The following XRCC4 variants were observed in gnomAD, a reference collection of about 807,000 sequenced individuals.
The protein encoded by XRCC4 is DNA repair protein XRCC4.
A neutral mutation model predicts 39.1 loss-of-function variants in XRCC4; 28 were observed. That is an observed-to-expected ratio of 0.72 (90% CI 0.53 to 0.98). XRCC4 has a LOEUF of 0.98. XRCC4 is among the 50% of genes least tolerant of loss of function. The probability of loss-of-function intolerance (pLI) is 0.00; values close to 1 mark genes in which losing one functional copy is unlikely to be tolerated. For synonymous variants in XRCC4, 123 were observed against 126.4 expected (o/e 0.97, Z 0.18); for missense variants, 350 against 376.4 (o/e 0.93, Z 0.58).
chr5:83,194,546 A>G (rs929269160), intron 3 of XRCC4, among the ~76,000 whole-genome samples: 7 of 152,190 alleles, frequency 4.6e-5, no homozygotes, highest in African/African-American at 7.2e-5. Context: ...CTTAATCTGT[A>G]TGTAATATAT....
intron 3 of XRCC4, among the ~76,000 whole-genome samples, chr5:83,115,135 T>A (rs1339768127): frequency 6.6e-6 from 1 of 152,168 alleles, no homozygotes; most frequent in Non-Finnish European, 1.5e-5. Flanking sequence ...GTGGGAATTA[T>A]GGGATCTACA....
At chr5:83,240,175 A>G (rs1344438652) in intron 6 of XRCC4, among the ~76,000 whole-genome samples, 1 of 152,176 alleles carries the variant, frequency 6.6e-6, no homozygotes, top group East Asian at 1.9e-4. Flanking sequence ...CCCCGACTCA[A>G]TAAATAAATG....
chr5:83,111,647 C>G (rs1487885597), intron 3 of XRCC4, among the ~76,000 whole-genome samples: 3 of 151,878 alleles, frequency 2.0e-5, no homozygotes, highest in Admixed American at 2.0e-4. Flanking sequence ...TTGAAAAATG[C>G]ATAGTAAGTA....
intron 6 of XRCC4, among the ~76,000 whole-genome samples, chr5:83,221,044 T>C (rs1034115585): frequency 1.3e-5 from 2 of 152,126 alleles, no homozygotes; most frequent in Admixed American, 6.6e-5. Context: ...TTTATTCTTA[T>C]CACTTGCATA....
chr5:83,280,397 A>C (rs1754495058), intron 7 of XRCC4: 1 of 594,398 alleles, frequency 1.7e-6, no homozygotes, highest in African/African-American at 1.9e-5. Flanking sequence ...CTTCTCTCTG[A>C]ATATTCTTTC....
intron 7 of XRCC4, among the ~76,000 whole-genome samples, chr5:83,345,459 T>A (rs1175473687): frequency 6.6e-6 from 1 of 152,170 alleles, no homozygotes; most frequent in Non-Finnish European, 1.5e-5. Flanking sequence ...CCTCAAAAAA[T>A]TAGTTATTTA....
chr5:83,149,401 T>C (rs376560292), intron 3 of XRCC4, among the ~76,000 whole-genome samples: 7 of 144,718 alleles, frequency 4.8e-5, no homozygotes, highest in African/African-American at 1.8e-4. Context: ...GTAATGGATA[T>C]TTCATTATGT....
chr5:83,218,791 TCTTAA>T (rs531877010), intron 6 of XRCC4, among the ~76,000 whole-genome samples: 34 of 152,270 alleles, frequency 2.2e-4, no homozygotes, highest in African/African-American at 7.7e-4. Context: ...CAAGTTGAGT[TCTTAA>T]CTTGTGGTTT....
chr5:83,291,357 C>T (rs1238108799), intron 7 of XRCC4, among the ~76,000 whole-genome samples: 5 of 151,768 alleles, frequency 3.3e-5, no homozygotes, highest in African/African-American at 1.2e-4. Context: ...AATTCTATGT[C>T]ACAATCCACA....
At chr5:83,098,193 C>G (rs1016661014) in intron 1 of XRCC4, among the ~76,000 whole-genome samples, 1 of 152,066 alleles carries the variant, frequency 6.6e-6, no homozygotes, top group African/African-American at 2.4e-5. Flanking sequence ...GGACTGTGAC[C>G]TCAACCAAGA....
intron 1 of XRCC4, among the ~76,000 whole-genome samples, chr5:83,098,191 A>C (rs1180738772): frequency 6.6e-6 from 1 of 152,122 alleles, no homozygotes; most frequent in Non-Finnish European, 1.5e-5. Context: ...ATGGACTGTG[A>C]CCTCAACCAA....
chr5:83,224,069 T>C (rs1158960742), intron 6 of XRCC4, among the ~76,000 whole-genome samples: 1 of 152,070 alleles, frequency 6.6e-6, no homozygotes, highest in Non-Finnish European at 1.5e-5. Context: ...TGAATAGCGT[T>C]TTTTAAAATC....
intron 3 of XRCC4, among the ~76,000 whole-genome samples, chr5:83,168,857 A>G (rs1749601764): frequency 6.6e-6 from 1 of 152,232 alleles, no homozygotes; most frequent in Admixed American, 6.5e-5. Flanking sequence ...CTTTAAATGC[A>G]TATTTTAGCA....
intron 1 of XRCC4, among the ~76,000 whole-genome samples, chr5:83,092,861 G>A (rs1745491225): frequency 6.7e-6 from 1 of 149,950 alleles, no homozygotes; most frequent in African/African-American, 2.5e-5. Context: ...AAGAGATGAA[G>A]AAGGAAACAA....
chr5:83,372,553 C>A, the XRCC4 span, among the ~76,000 whole-genome samples: 2 of 152,128 alleles, frequency 1.3e-5, no homozygotes, highest in African/African-American at 2.4e-5. Context: ...AATCCATATG[C>A]ACATTCAGTA....
intron 3 of XRCC4, among the ~76,000 whole-genome samples, chr5:83,120,071 CA>C (rs1262529158): frequency 7.3e-6 from 1 of 137,106 alleles, no homozygotes; most frequent in African/African-American, 3.5e-5. Flanking sequence ...TAGAAAATAG[CA>C]TTGTAAAAAC....
chr5:83,164,446 C>A (rs1007799412), intron 3 of XRCC4, among the ~76,000 whole-genome samples: 1 of 152,106 alleles, frequency 6.6e-6, no homozygotes, highest in African/African-American at 2.4e-5. Context: ...CTAATTTAAG[C>A]ATGTATCACA....
chr5:83,173,143 C>T (rs1749806660), intron 3 of XRCC4, among the ~76,000 whole-genome samples: 2 of 152,144 alleles, frequency 1.3e-5, no homozygotes, highest in Admixed American at 1.3e-4. Context: ...CTAGAGTATG[C>T]CCAGGGCACT....
At chr5:83,092,571 G>T (rs866425172) in intron 1 of XRCC4, among the ~76,000 whole-genome samples, 9 of 152,052 alleles carry the variant, frequency 5.9e-5, no homozygotes, top group Middle Eastern at 3.4e-3. Context: ...ATTATTAATT[G>T]CAACCACAGC....
Sources: allele counts gnomAD v4.1 joint callset (sites outside exome capture counted in the v4.1 genomes callset), GRCh38; gene constraint gnomAD v4.1.1; transcripts MANE v1.5; gene names NCBI Gene and HGNC (gene_info 2026-07-23, HGNC 2026-07-21).